ZBTB7C: variants seen among roughly 807,000 people sequenced by gnomAD.
ZBTB7C encodes the protein zinc finger and BTB domain containing 7C, also known as zinc finger and BTB domain-containing protein 7C.
A neutral mutation model predicts 25.7 loss-of-function variants in ZBTB7C; 8 were observed. The ratio of observed to expected loss-of-function variants is 0.31; its 90% CI spans 0.18 to 0.56. ZBTB7C has a LOEUF of 0.56. ZBTB7C is among the 20% of genes least tolerant of loss of function. The pLI, the probability that ZBTB7C is intolerant of heterozygous loss-of-function variation, is 0.91. For synonymous variants in ZBTB7C, 394 were observed against 369.0 expected, an observed-to-expected ratio of 1.07 and a Z score of -0.78; for missense variants, 824 against 855.2, an observed-to-expected ratio of 0.96 and a Z score of 0.46.
At chr18:48,387,116 TG>T (rs1257727202) in intron 1 of ZBTB7C, among the ~76,000 whole-genome samples, 2 of 152,130 alleles carry the variant, frequency 1.3e-5, no homozygotes, top group Non-Finnish European at 2.9e-5. Context: ...AAAACCAGGA[TG>T]GGGAATGACA....
chr18:48,210,459 C>T (rs2042677043), intron 2 of ZBTB7C, among the ~76,000 whole-genome samples: 1 of 152,180 alleles, frequency 6.6e-6, no homozygotes. Context: ...TATATCCACA[C>T]AGTGAAACAG....
At chr18:48,259,789 T>A (rs113349504) in intron 2 of ZBTB7C, among the ~76,000 whole-genome samples, 1 of 152,146 alleles carries the variant, frequency 6.6e-6, no homozygotes, top group Admixed American at 6.5e-5. Context: ...ATAAGGGACA[T>A]GAAAATCAAA....
chr18:48,394,639 C>T (rs951545706), intron 1 of ZBTB7C, among the ~76,000 whole-genome samples: 8 of 152,100 alleles, frequency 5.3e-5, no homozygotes, highest in East Asian at 1.9e-4. Context: ...AGTAGGGTAA[C>T]GTCAGGGGTT....
At chr18:48,124,328 C>T (rs1292768997) in intron 3 of ZBTB7C, among the ~76,000 whole-genome samples, 3 of 152,248 alleles carry the variant, frequency 2.0e-5, no homozygotes, top group Non-Finnish European at 4.4e-5. Flanking sequence ...AGGTACCTTT[C>T]CTGGAAGTCA....
chr18:48,258,601 T>G (rs966785591), intron 2 of ZBTB7C, among the ~76,000 whole-genome samples: 1 of 152,190 alleles, frequency 6.6e-6, no homozygotes, highest in Non-Finnish European at 1.5e-5. Flanking sequence ...ATTATTGATA[T>G]GTCAATTATC....
At chr18:48,324,726 C>T (rs887677227) in intron 2 of ZBTB7C, among the ~76,000 whole-genome samples, 1 of 152,174 alleles carries the variant, frequency 6.6e-6, no homozygotes, top group Non-Finnish European at 1.5e-5. Flanking sequence ...AAGAGAATGA[C>T]ATGCTCAGAT....
chr18:48,107,170 C>T (rs4075917), intron 3 of ZBTB7C, among the ~76,000 whole-genome samples: 2,302 of 149,736 alleles, frequency 0.015, 67 homozygotes, highest in African/African-American at 0.053. Flanking sequence ...AGGGCAGAAC[C>T]GTCAGGAGAG....
At chr18:48,212,701 G>T (rs2145253806) in intron 2 of ZBTB7C, among the ~76,000 whole-genome samples, 1 of 152,162 alleles carries the variant, frequency 6.6e-6, no homozygotes, top group East Asian at 1.9e-4. Flanking sequence ...GAGAAGAGAG[G>T]GGACAAGTTA....
intron 4 of ZBTB7C, among the ~76,000 whole-genome samples, chr18:48,034,033 G>T (rs2035867742): frequency 6.6e-6 from 1 of 152,164 alleles, no homozygotes; most frequent in Admixed American, 6.5e-5. Flanking sequence ...CTTCCTTGCT[G>T]CTTCACATAT....
chr18:48,376,326 T>C (rs1273508383), intron 1 of ZBTB7C, among the ~76,000 whole-genome samples: 1 of 152,220 alleles, frequency 6.6e-6, no homozygotes, highest in Non-Finnish European at 1.5e-5. Flanking sequence ...GAAAAGATGA[T>C]TCGGAAGGAA....
chr18:48,106,926 C>T (rs1442745204), intron 3 of ZBTB7C, among the ~76,000 whole-genome samples: 1 of 152,006 alleles, frequency 6.6e-6, no homozygotes, highest in African/African-American at 2.4e-5. Context: ...GTTCTATATA[C>T]CAGGCTCAGC....
Position 48,040,429 on chromosome 18 carries a change from T to C in ZBTB7C, c.679A>G (p.Ile227Val), listed in dbSNP as rs770908106. The change falls in exon 4 of 5, where the codon ATC becomes GTC. Residue 227 changes from isoleucine to valine, a missense_variant. Physicochemically the swap from Ile to Val is conservative, Grantham distance 29 (BLOSUM62 3). This residue lies in a region of ZBTB7C where 316 missense variants were observed against 299.2 expected (regional missense o/e 1.06). Transcript: ENST00000590800. Reference protein sequence around the residue: ...GHLGVIRDFSIESLLRENLYP... With the variant: ...GHLGVIRDFSVESLLRENLYP... ...AGGTTCTCCCTTAGCAGAGATTCGA[T>C]GGAGAAGTCCCGGATCACCCCCAGA... 8 of 1,609,148 alleles carry C rather than the reference T, an allele frequency of 5.0e-6. No homozygotes were observed. The Admixed American group carries it at 1.3e-4, about 27-fold the overall frequency.
chr18:48,237,874 G>A (rs899548529), intron 2 of ZBTB7C, among the ~76,000 whole-genome samples: 14 of 152,192 alleles, frequency 9.2e-5, no homozygotes, highest in Non-Finnish European at 4.4e-5. Context: ...TTAAATTAGT[G>A]TATATTTTCA....
At chr18:48,243,485 A>G (rs2043589659) in intron 2 of ZBTB7C, among the ~76,000 whole-genome samples, 1 of 152,154 alleles carries the variant, frequency 6.6e-6, no homozygotes, top group African/African-American at 2.4e-5. Flanking sequence ...AAAGACCTCT[A>G]CAAGAAAAAC....
chr18:48,050,190 G>A (rs1193725105), intron 3 of ZBTB7C, among the ~76,000 whole-genome samples: 1 of 152,174 alleles, frequency 6.6e-6, no homozygotes, highest in Non-Finnish European at 1.5e-5. Context: ...AGGATAAAGG[G>A]TGGGAGACCT....
chr18:48,038,158 C>T (rs958405202), intron 4 of ZBTB7C, among the ~76,000 whole-genome samples: 1 of 152,064 alleles, frequency 6.6e-6, no homozygotes, highest in Non-Finnish European at 1.5e-5. Flanking sequence ...ACCTTGGGTC[C>T]ATCTGCTCTG....
At chr18:48,357,341 C>T (rs1396616135) in intron 1 of ZBTB7C, among the ~76,000 whole-genome samples, 1 of 152,156 alleles carries the variant, frequency 6.6e-6, no homozygotes, top group Non-Finnish European at 1.5e-5. Flanking sequence ...GTTGATTTTG[C>T]TCAGCCAGGC....
At chr18:48,231,522 G>C (rs2043251573) in intron 2 of ZBTB7C, among the ~76,000 whole-genome samples, 1 of 152,142 alleles carries the variant, frequency 6.6e-6, no homozygotes, top group Non-Finnish European at 1.5e-5. Flanking sequence ...CCTGCCTGTG[G>C]AGAGGAACTA....
chr18:48,243,391 A>T (rs2043587108), intron 2 of ZBTB7C, among the ~76,000 whole-genome samples: 1 of 152,126 alleles, frequency 6.6e-6, no homozygotes, highest in African/African-American at 2.4e-5. Flanking sequence ...CCAAGTTGAG[A>T]ATCAAATCAA....
Sources: allele counts gnomAD v4.1 joint callset (sites outside exome capture counted in the v4.1 genomes callset), GRCh38; gene constraint gnomAD v4.1.1; regional missense constraint gnomAD v4.1.1; transcripts MANE v1.5; gene names NCBI Gene and HGNC (gene_info 2026-07-23, HGNC 2026-07-21).